NFIB: variants seen among roughly 807,000 people sequenced by gnomAD.
NFIB encodes nuclear factor 1 B-type.
In NFIB, 11 loss-of-function variants were observed where a neutral mutation model predicts 61.5. The ratio of observed to expected loss-of-function variants is 0.18; its 90% CI spans 0.11 to 0.30. NFIB has a LOEUF of 0.30. Ranked by LOEUF, NFIB falls within the 10% of genes least tolerant of loss-of-function variation. The pLI, the probability that NFIB is intolerant of heterozygous loss-of-function variation, is 1.00. For synonymous variants in NFIB, 260 were observed against 216.5 expected (o/e 1.20, Z -1.76); for missense variants, 471 against 608.9 (o/e 0.77, Z 2.38).
chr9:14,397,288 C>A (rs1285611520), intron 1 of NFIB, among the ~76,000 whole-genome samples: 5 of 152,150 alleles, frequency 3.3e-5, no homozygotes, highest in African/African-American at 1.2e-4. Flanking sequence ...CTGAGAAAAA[C>A]AAGCAAACAA....
intron 1 of NFIB, among the ~76,000 whole-genome samples, chr9:14,310,528 A>G (rs2060230174): frequency 6.6e-6 from 1 of 152,224 alleles, no homozygotes; most frequent in Admixed American, 6.5e-5. Context: ...TATGGAACAT[A>G]ATAACTGTCC....
chr9:14,517,342 C>T, the NFIB span, among the ~76,000 whole-genome samples: 1 of 152,182 alleles, frequency 6.6e-6, no homozygotes, highest in Non-Finnish European at 1.5e-5. Context: ...GCCTCCAAGG[C>T]GTACCTGCTT....
the NFIB span, among the ~76,000 whole-genome samples, chr9:14,433,274 AT>A: frequency 6.6e-6 from 1 of 152,100 alleles, no homozygotes; most frequent in Non-Finnish European, 1.5e-5. Context: ...GTCATTAAAA[AT>A]TTTTTTGCCA....
At chr9:14,311,929 T>G (rs1345458065) in intron 1 of NFIB, among the ~76,000 whole-genome samples, 2 of 152,196 alleles carry the variant, frequency 1.3e-5, no homozygotes, top group African/African-American at 2.4e-5. Context: ...ATGGGTAATA[T>G]TAATGGTAAC....
the NFIB span, among the ~76,000 whole-genome samples, chr9:14,504,942 C>T: frequency 2.6e-5 from 4 of 152,164 alleles, no homozygotes; most frequent in Non-Finnish European, 4.4e-5. Flanking sequence ...AACTTTTCCC[C>T]GTTCCATACA....
At chr9:14,398,926 T>TA in exon 1 of NFIB, 1 of 314,588 alleles carries the variant, frequency 3.2e-6, no homozygotes. Flanking sequence ...TCAACAGTGA[T>TA]ATTCTATGAA....
chr9:14,152,284 C>T (rs1438177543), intron 4 of NFIB, among the ~76,000 whole-genome samples: 1 of 152,064 alleles, frequency 6.6e-6, no homozygotes, highest in Non-Finnish European at 1.5e-5. Context: ...TAACTAAGTG[C>T]CTGATGGCTT....
chr9:14,138,872 CTAA>C (rs1010495817), intron 6 of NFIB, among the ~76,000 whole-genome samples: 33 of 151,334 alleles, frequency 2.2e-4, no homozygotes, highest in Non-Finnish European at 7.4e-5. Context: ...AATCCTGGCA[CTAA>C]TAATAATAGT....
At chr9:14,416,924 G>A in the NFIB span, among the ~76,000 whole-genome samples, 1 of 126,106 alleles carries the variant, frequency 7.9e-6, no homozygotes, top group Non-Finnish European at 1.6e-5. Context: ...AAGGAGTCTT[G>A]CCCTGTTGCC....
chr9:14,508,374 T>C, the NFIB span, among the ~76,000 whole-genome samples: 1 of 152,158 alleles, frequency 6.6e-6, no homozygotes, highest in Non-Finnish European at 1.5e-5. Context: ...CCACTCCTTG[T>C]CCATATATCC....
the NFIB span, among the ~76,000 whole-genome samples, chr9:14,453,111 G>C: frequency 1.3e-5 from 2 of 152,220 alleles, no homozygotes; most frequent in Non-Finnish European, 2.9e-5. Context: ...CCTGATCTCA[G>C]AATCTTGTTC....
intron 1 of NFIB, among the ~76,000 whole-genome samples, chr9:14,374,846 G>T (rs945236432): frequency 2.6e-5 from 4 of 152,124 alleles, no homozygotes; most frequent in Non-Finnish European, 4.4e-5. Flanking sequence ...GGAGGCAGAG[G>T]TTGCAGTGAG....
chr9:14,420,569 T>C, the NFIB span, among the ~76,000 whole-genome samples: 2 of 151,392 alleles, frequency 1.3e-5, no homozygotes, highest in African/African-American at 2.4e-5. Flanking sequence ...CTGATGAAGA[T>C]ATTTGGTAGC....
chr9:14,495,837 A>C, the NFIB span, among the ~76,000 whole-genome samples: 2 of 152,212 alleles, frequency 1.3e-5, no homozygotes. Context: ...ATTTTCTCAC[A>C]GACTATCTTA....
At chr9:14,487,676 A>G in the NFIB span, among the ~76,000 whole-genome samples, 7 of 152,182 alleles carry the variant, frequency 4.6e-5, 1 homozygote, top group Admixed American at 4.6e-4. Flanking sequence ...AGGAAACTAG[A>G]TTTCTTCCTT....
At chr9:14,342,933 C>T (rs2060969614) in intron 1 of NFIB, among the ~76,000 whole-genome samples, 2 of 151,802 alleles carry the variant, frequency 1.3e-5, no homozygotes, top group Non-Finnish European at 1.5e-5. Flanking sequence ...CAGAGTTGCC[C>T]CTTATGTTGT....
At chr9:14,490,603 T>C in the NFIB span, among the ~76,000 whole-genome samples, 1 of 151,686 alleles carries the variant, frequency 6.6e-6, no homozygotes, top group African/African-American at 2.4e-5. Flanking sequence ...CACAACTCAA[T>C]AAAAAAAGAC....
Position 14,193,801 on chromosome 9 carries a change from C to A in NFIB, c.563-14021G>T, listed in dbSNP as rs185746235. On this transcript the variant is annotated intron_variant, in intron 2 of 10. Coordinates refer to ENST00000380953, the MANE Select transcript of NFIB (RefSeq NM_001190737.2). The stretch of plus-strand genomic sequence containing the variant: ...TAAACTGTGCTAGATAACAGCCCGG[C>A]TAGAGGCAAGTGACATAACGGAAAA... Among the ~76,000 whole-genome samples, 157 of 152,286 alleles carry A rather than the reference C, an allele frequency of 1.0e-3. 2 individuals carry two copies. Among genetic ancestry groups the A allele is most frequent in the East Asian group, 1.2e-3 (6 of 5,186 alleles).
the NFIB span, among the ~76,000 whole-genome samples, chr9:14,411,990 T>C: frequency 3.3e-5 from 5 of 152,288 alleles, no homozygotes; most frequent in East Asian, 5.8e-4. Flanking sequence ...TGAGCTTTTT[T>C]GGAAGCAGAT....
Sources: gnomAD v4.1 joint callset for allele counts (sites outside exome capture counted in the v4.1 genomes callset) on GRCh38, gnomAD v4.1.1 for gene constraint, MANE v1.5 for transcripts, NCBI Gene and HGNC (gene_info 2026-07-23, HGNC 2026-07-21) for gene names.